The following HIPK2 variants were observed in gnomAD, a reference collection of about 807,000 sequenced individuals.
HIPK2 encodes the protein homeodomain interacting protein kinase 2.
HIPK2 carries 27 observed loss-of-function variants against 113.7 expected under a neutral mutation model. That is an observed-to-expected ratio of 0.24 (90% CI 0.17 to 0.33). The LOEUF is 0.33. HIPK2 is among the 10% of genes least tolerant of loss of function. HIPK2 has a pLI of 1.00. For missense variants in HIPK2, 1,257 were observed against 1,588.0 expected, an observed-to-expected ratio of 0.79 and a Z score of 3.54; for synonymous variants, 631 against 642.2, an observed-to-expected ratio of 0.98 and a Z score of 0.26.
At chr7:139,655,426 C>A (rs534614254) in intron 2 of HIPK2, among the ~76,000 whole-genome samples, 1 of 152,344 alleles carries the variant, frequency 6.6e-6, no homozygotes, top group African/African-American at 2.4e-5. Flanking sequence ...AGGCTGCTGC[C>A]TGCAGTTCTG....
chr7:139,631,729 A>G lies in HIPK2; in HGVS notation c.1104-4T>C, dbSNP rs1337151857. Reference sequence around the variant, plus strand: ...ACCAAGGATGATCTCAGGGGCCCTGAAAAGGAAGAATGGAAGAAACCATTA... The same window carrying G: ...ACCAAGGATGATCTCAGGGGCCCTGGAAAGGAAGAATGGAAGAAACCATTA... On this transcript the variant is annotated splice_polypyrimidine_tract_variant and splice_region_variant and intron_variant, in intron 2 of 14. Coordinates refer to ENST00000406875, the MANE Select transcript of HIPK2 (RefSeq NM_022740.5). The surrounding 1 kb of genome is among the most constrained non-coding windows in gnomAD (Gnocchi z 4.9). 1 of 1,611,374 alleles carries G rather than the reference A, an allele frequency of 6.2e-7. No homozygotes were observed. The highest frequency in any genetic ancestry group is 1.7e-5 in the Admixed American group (1 of 59,336).
chr7:139,716,630 G>C lies in HIPK2; in HGVS notation c.405C>G (p.Ser135Arg). Reference sequence around the variant, plus strand: ...CGCTGCTTGTGTTCTCGATCTCCTCGCTCTTACGCTTGAGTCCACATTTTT... The same window carrying C: ...CGCTGCTTGTGTTCTCGATCTCCTCCCTCTTACGCTTGAGTCCACATTTTT... ...TYQKCGLKRK[S>R]EEIENTSSVQ... The change falls in exon 2 of 15, where the codon AGC becomes AGG. Residue 135 changes from serine (S) to arginine (R), a missense_variant. This residue lies in a region of HIPK2 where 209 missense variants were observed against 237.8 expected (regional missense o/e 0.88). Transcript: ENST00000406875. This position sits in a 1 kb window ranked among gnomAD's most constrained non-coding sequence, Gnocchi z 9.3. 6.2e-7 allele frequency: 1 copy of C among 1,613,934 alleles called. No individual in the cohort carries two copies. The highest frequency in any genetic ancestry group is 1.1e-5 in the South Asian group (1 of 91,084).
chr7:139,623,545 AAG>A (rs1569456938), intron 6 of HIPK2, among the ~76,000 whole-genome samples: 1 of 151,778 alleles, frequency 6.6e-6, no homozygotes, highest in African/African-American at 2.4e-5. Context: ...AAAAGAAAAA[AAG>A]GACAAATCCC....
intron 2 of HIPK2, among the ~76,000 whole-genome samples, chr7:139,657,224 TCTG>T (rs1438255655): frequency 2.0e-5 from 3 of 152,212 alleles, no homozygotes; most frequent in African/African-American, 7.2e-5. Flanking sequence ...CACCCAGGCT[TCTG>T]CTGTAGTCAA....
intron 1 of HIPK2, among the ~76,000 whole-genome samples, chr7:139,730,864 C>A (rs1163102191): frequency 1.3e-5 from 2 of 152,186 alleles, no homozygotes; most frequent in Non-Finnish European, 2.9e-5. Context: ...GAGACACAGA[C>A]ATACACACAG....
chr7:139,615,923 C>T (rs185354412), intron 7 of HIPK2, among the ~76,000 whole-genome samples: 12 of 150,874 alleles, frequency 8.0e-5, no homozygotes, highest in African/African-American at 2.7e-4. Flanking sequence ...GCTTGGGACA[C>T]GTGTGTACAT....
In HIPK2 at chr7:139,777,615, G is replaced by A; in HGVS notation, c.9C>T (p.Pro3=). The stretch of plus-strand genomic sequence containing the variant: ...CCGGGCGCCCCTTACCTTCGTACAC[G>A]GGGGCCATCGGGGCCGGGGTGTCCG... MA[P]VYEGMASHVQ... The change falls in exon 1 of 15, where the codon CCC becomes CCT. Residue 3 remains proline, a synonymous_variant. Transcript: ENST00000406875. 9.3e-7 allele frequency: 1 copy of A among 1,074,078 alleles called. No homozygotes were observed. Among genetic ancestry groups the A allele is most frequent in the East Asian group, 5.5e-5 (1 of 18,306 alleles). The allele number at this position is 1,074,078 out of a possible 1,614,324, so 66.5% of individuals were successfully genotyped here. A position where few individuals can be genotyped will look rare whatever the true frequency, so the allele number is the denominator to read the frequency against.
chr7:139,767,765 T>A (rs1796576568), intron 1 of HIPK2, among the ~76,000 whole-genome samples: 1 of 152,254 alleles, frequency 6.6e-6, no homozygotes, highest in Admixed American at 6.5e-5. Context: ...ACCAGCCATA[T>A]AAACAGGAAA....
At chr7:139,594,165 T>A (rs1033468123) in intron 12 of HIPK2, among the ~76,000 whole-genome samples, 4 of 152,168 alleles carry the variant, frequency 2.6e-5, no homozygotes, top group Admixed American at 2.6e-4. Context: ...ACCTTTGGCC[T>A]TCAAAGCCCC....
At chr7:139,725,770 T>A (rs1795557506) in intron 1 of HIPK2, among the ~76,000 whole-genome samples, 1 of 152,242 alleles carries the variant, frequency 6.6e-6, no homozygotes, top group Non-Finnish European at 1.5e-5. Flanking sequence ...ACAACAAAAC[T>A]ACAGTGTTTC....
At position 139,572,016 on chromosome 7, in the gene HIPK2, CAA is replaced by C. The variant is rs1569439567; in HGVS notation, c.*909_*910del. The C allele has an allele frequency of 6.6e-6, 1 of 152,242 alleles. No homozygotes were observed. The highest frequency in any genetic ancestry group is 1.5e-5 in the Non-Finnish European group (1 of 68,040). The allele number at this position is 152,242 out of a possible 1,614,324, so 9.4% of individuals were successfully genotyped here. On this transcript the variant is annotated 3_prime_UTR_variant, in exon 15 of 15. Transcript: ENST00000406875. ...TTGGAGTTGAACACAAGGTAGGAGACAAGGGTGCTGAGTGCTACATTCTACTA... is the reference window on the plus strand; with the variant it reads ...TTGGAGTTGAACACAAGGTAGGAGACGGGTGCTGAGTGCTACATTCTACTA...
chr7:139,617,948 G>A (rs1800113509), intron 7 of HIPK2, among the ~76,000 whole-genome samples: 1 of 152,234 alleles, frequency 6.6e-6, no homozygotes, highest in African/African-American at 2.4e-5. Context: ...GATTTAAAGA[G>A]CAGACATCAC....
intron 7 of HIPK2, 118 bp from the exon 8 acceptor site, chr7:139,614,611 A>G (rs1799968604): frequency 1.4e-6 from 1 of 713,868 alleles, no homozygotes. Flanking sequence ...CAAACAAACA[A>G]AAACTAAGAG....
intron 2 of HIPK2, among the ~76,000 whole-genome samples, chr7:139,703,274 C>T (rs1463558601): frequency 2.6e-5 from 4 of 152,180 alleles, no homozygotes; most frequent in African/African-American, 9.7e-5. Flanking sequence ...GAATACAGAA[C>T]AGCCACATCA....
intron 2 of HIPK2, among the ~76,000 whole-genome samples, chr7:139,684,333 C>G (rs979492099): frequency 6.6e-6 from 1 of 152,154 alleles, no homozygotes; most frequent in Non-Finnish European, 1.5e-5. Flanking sequence ...ACAATGACTT[C>G]TAAGTGTTCA....
chr7:139,728,958 C>T (rs1046636821), intron 1 of HIPK2, among the ~76,000 whole-genome samples: 31 of 152,242 alleles, frequency 2.0e-4, no homozygotes, highest in Admixed American at 5.2e-4. Flanking sequence ...GATGTTACAA[C>T]GCTTCTGAAA....
intron 10 of HIPK2, among the ~76,000 whole-genome samples, chr7:139,603,115 G>T (rs144571895): frequency 4.0e-4 from 61 of 152,234 alleles, no homozygotes; most frequent in African/African-American, 1.5e-3. Context: ...GTCTGACTGG[G>T]GGCTTATATC....
intron 1 of HIPK2, among the ~76,000 whole-genome samples, chr7:139,759,147 C>A (rs1251079126): frequency 1.3e-5 from 2 of 152,172 alleles, no homozygotes; most frequent in African/African-American, 2.4e-5. Context: ...ACACACTCCA[C>A]ATAAAAATAA....
chr7:139,719,433 C>T (rs924046683), intron 1 of HIPK2, among the ~76,000 whole-genome samples: 15 of 152,032 alleles, frequency 9.9e-5, no homozygotes, highest in Admixed American at 2.0e-4. Context: ...TTGGCATTTC[C>T]ACCGTTTTGA....
Sources: allele counts gnomAD v4.1 joint callset (sites outside exome capture counted in the v4.1 genomes callset), GRCh38; gene constraint gnomAD v4.1.1; regional missense constraint gnomAD v4.1.1; non-coding constraint Gnocchi (gnomAD v3.1); transcripts MANE v1.5; gene names NCBI Gene and HGNC (gene_info 2026-07-23, HGNC 2026-07-21).